Variants in NDST4 observed in about 807,000 individuals in gnomAD.
The protein encoded by NDST4 is N-deacetylase and N-sulfotransferase 4, also known as N-heparan sulfate sulfotransferase 4.
NDST4 carries 63 observed loss-of-function variants against 100.8 expected under a neutral mutation model. The observed-to-expected ratio is 0.62, with a 90% CI of 0.51 to 0.77. NDST4 has a LOEUF of 0.77. Among genes scored for constraint, NDST4 ranks in the 30% least tolerant of loss-of-function variants. The probability of loss-of-function intolerance (pLI) is 0.00; values close to 1 mark genes in which losing one functional copy is unlikely to be tolerated. For missense variants in NDST4, 943 were observed against 1,018.4 expected, an observed-to-expected ratio of 0.93 and a Z score of 1.01; for synonymous variants, 377 against 361.8, an observed-to-expected ratio of 1.04 and a Z score of -0.48.
chr4:114,917,453 T>C (rs534779896), intron 6 of NDST4, among the ~76,000 whole-genome samples: 22 of 152,166 alleles, frequency 1.4e-4, no homozygotes, highest in Admixed American at 1.4e-3. Context: ...ATTTTGATAG[T>C]AGTTGGCCTT....
intron 2 of NDST4, among the ~76,000 whole-genome samples, chr4:114,984,603 G>A (rs1025150779): frequency 6.6e-6 from 1 of 152,058 alleles, no homozygotes; most frequent in Non-Finnish European, 1.5e-5. Context: ...TATGATATGG[G>A]AATCAGAAGA....
chr4:115,100,328 G>T (rs2126297851), intron 1 of NDST4, among the ~76,000 whole-genome samples: 1 of 152,120 alleles, frequency 6.6e-6, no homozygotes, highest in African/African-American at 2.4e-5. Context: ...GTAATCTGTG[G>T]ACTTGGGGTG....
At chr4:115,097,301 C>T (rs1212272376) in intron 1 of NDST4, among the ~76,000 whole-genome samples, 1 of 152,122 alleles carries the variant, frequency 6.6e-6, no homozygotes, top group African/African-American at 2.4e-5. Context: ...ATCTAATGGG[C>T]ATTTCCAACT....
At chr4:115,059,807 T>A (rs1728780574) in intron 2 of NDST4, among the ~76,000 whole-genome samples, 1 of 152,012 alleles carries the variant, frequency 6.6e-6, no homozygotes, top group African/African-American at 2.4e-5. Context: ...GGGAAAGAAA[T>A]TCCACACAGA....
intron 2 of NDST4, among the ~76,000 whole-genome samples, chr4:115,000,030 A>T (rs1390214346): frequency 6.6e-6 from 1 of 151,994 alleles, no homozygotes. Context: ...AAAGTCACGA[A>T]CAACTGTTAT....
chr4:114,867,714 T>C (rs757476823), intron 7 of NDST4, among the ~76,000 whole-genome samples: 18 of 145,316 alleles, frequency 1.2e-4, no homozygotes, highest in Non-Finnish European at 2.4e-4. Flanking sequence ...TTTTACACTG[T>C]GTAGTGATTA....
At chr4:114,877,097 C>T (rs536988463) in intron 6 of NDST4, among the ~76,000 whole-genome samples, 61 of 150,860 alleles carry the variant, frequency 4.0e-4, no homozygotes, top group African/African-American at 1.2e-3. Context: ...CGCGTGCACG[C>T]GCGCAAGCCT....
At chr4:114,867,034 A>G (rs1724041819) in intron 7 of NDST4, among the ~76,000 whole-genome samples, 1 of 152,128 alleles carries the variant, frequency 6.6e-6, no homozygotes, top group Non-Finnish European at 1.5e-5. Context: ...GGAGTAAGAA[A>G]ACCTAGGGCT....
At chr4:114,984,137 T>A (rs971717257) in intron 2 of NDST4, among the ~76,000 whole-genome samples, 1 of 146,946 alleles carries the variant, frequency 6.8e-6, no homozygotes, top group Non-Finnish European at 1.5e-5. Context: ...GTGAACAAAC[T>A]AATACTATTT....
chr4:114,869,805 C>T (rs1416985274), intron 7 of NDST4, among the ~76,000 whole-genome samples: 1 of 152,128 alleles, frequency 6.6e-6, no homozygotes, highest in Non-Finnish European at 1.5e-5. Context: ...TTTGCATGCC[C>T]TAGAACATCT....
chr4:114,936,122 G>T (rs959430793), intron 5 of NDST4, among the ~76,000 whole-genome samples: 3 of 151,798 alleles, frequency 2.0e-5, no homozygotes, highest in Non-Finnish European at 4.4e-5. Context: ...TCAAGGCAAG[G>T]AATTAATGCC....
At chr4:115,073,085 T>C (rs974220275) in intron 2 of NDST4, among the ~76,000 whole-genome samples, 3 of 151,956 alleles carry the variant, frequency 2.0e-5, no homozygotes, top group African/African-American at 7.2e-5. Context: ...TCGCTAACTA[T>C]CAGGGAAATG....
chr4:114,962,647 T>C (rs1726289251), intron 4 of NDST4, among the ~76,000 whole-genome samples: 1 of 152,010 alleles, frequency 6.6e-6, no homozygotes. Flanking sequence ...AAATATTGTT[T>C]AAAGAAATTA....
At chr4:114,920,009 T>C (rs1239657056) in intron 6 of NDST4, among the ~76,000 whole-genome samples, 1 of 152,142 alleles carries the variant, frequency 6.6e-6, no homozygotes, top group African/African-American at 2.4e-5. Context: ...AGAAAGTCAT[T>C]TATAAAACCA....
At chr4:114,875,703 A>G (rs1368557971) in intron 6 of NDST4, among the ~76,000 whole-genome samples, 3 of 152,192 alleles carry the variant, frequency 2.0e-5, no homozygotes, top group Non-Finnish European at 4.4e-5. Flanking sequence ...TGACTTATGA[A>G]GCTGCTAATA....
intron 2 of NDST4, among the ~76,000 whole-genome samples, chr4:115,016,249 C>A (rs1727674231): frequency 6.6e-6 from 1 of 151,990 alleles, no homozygotes; most frequent in South Asian, 2.1e-4. Context: ...GTTACAGCAC[C>A]AAGTAGGTGG....
In NDST4 at chr4:115,076,398, G is replaced by A. The variant is rs1208841010; in HGVS notation, c.639C>T (p.Gly213=). 1.9e-6 allele frequency: 3 copies of A among 1,613,964 alleles called. No homozygotes were observed. Among genetic ancestry groups the A allele is most frequent in the Non-Finnish European group, 2.5e-6 (3 of 1,179,952 alleles). The stretch of plus-strand genomic sequence containing the variant: ...TAGTCCAGTCTTCCCCAGGAAGAGG[G>A]CCTTTCTCAACCTTGGGGGCTTTGG... The part of the protein sequence containing the change: ...HITKAPKVEK[G]PLPGEDWTIF... The change falls in exon 2 of 14, where the codon GGC becomes GGT. Residue 213 remains glycine (G), a synonymous_variant. Transcript: ENST00000264363.
At chr4:115,067,067 A>G (rs1047569191) in intron 2 of NDST4, among the ~76,000 whole-genome samples, 1 of 152,182 alleles carries the variant, frequency 6.6e-6, no homozygotes, top group Admixed American at 6.5e-5. Flanking sequence ...ATAAATGCTC[A>G]TTCCCGCAAG....
chr4:114,990,030 T>A (rs556847004), intron 2 of NDST4, among the ~76,000 whole-genome samples: 1 of 151,216 alleles, frequency 6.6e-6, no homozygotes, highest in Non-Finnish European at 1.5e-5. Flanking sequence ...GACACTTCCA[T>A]TTTTTTTTAT....
Sources: allele counts gnomAD v4.1 joint callset (sites outside exome capture counted in the v4.1 genomes callset), GRCh38; gene constraint gnomAD v4.1.1; transcripts MANE v1.5; gene names NCBI Gene and HGNC (gene_info 2026-07-23, HGNC 2026-07-21).